The following IRS2 variants were observed in gnomAD, a reference collection of about 807,000 sequenced individuals.
The protein encoded by IRS2 is insulin receptor substrate 2.
IRS2 carries 28 observed loss-of-function variants against 70.9 expected under a neutral mutation model. The observed-to-expected ratio is 0.39, with a 90% CI of 0.29 to 0.54. The LOEUF is 0.54. IRS2 is among the 20% of genes least tolerant of loss of function. IRS2 has a pLI of 0.59. For synonymous variants in IRS2, 1,217 were observed against 981.9 expected, an observed-to-expected ratio of 1.24 and a Z score of -4.48; for missense variants, 2,081 against 2,024.1, an observed-to-expected ratio of 1.03 and a Z score of -0.54.
At chr13:109,759,316 C>G (rs1229124827) in intron 1 of IRS2, among the ~76,000 whole-genome samples, 1 of 152,186 alleles carries the variant, frequency 6.6e-6, no homozygotes, top group Non-Finnish European at 1.5e-5. Context: ...TAGACATCCC[C>G]CCACCCCAGG....
chr13:109,776,721 C>T (rs1877587393), intron 1 of IRS2, among the ~76,000 whole-genome samples: 1 of 152,182 alleles, frequency 6.6e-6, no homozygotes, highest in African/African-American at 2.4e-5. Flanking sequence ...AAATCAGTAG[C>T]AATCATCAAC....
At chr13:109,765,353 T>C (rs1276885328) in intron 1 of IRS2, among the ~76,000 whole-genome samples, 1 of 152,202 alleles carries the variant, frequency 6.6e-6, no homozygotes, top group African/African-American at 2.4e-5. Context: ...CACCAGTCCT[T>C]GCCCAAGGAT....
chr13:109,771,348 ATTAAAG>A (rs1351400791), intron 1 of IRS2, among the ~76,000 whole-genome samples: 5 of 152,290 alleles, frequency 3.3e-5, no homozygotes, highest in East Asian at 1.9e-4. Flanking sequence ...AGCCAGCTAA[ATTAAAG>A]TTAGTTTTCT....
intron 1 of IRS2, among the ~76,000 whole-genome samples, chr13:109,778,679 TATC>T (rs1301514758): frequency 3.9e-5 from 6 of 152,236 alleles, no homozygotes; most frequent in African/African-American, 1.4e-4. Flanking sequence ...ACATATCTCT[TATC>T]ATTCTTTCCC....
At position 109,764,281 on chromosome 13, in the gene IRS2, C is replaced by T. The variant is rs76869386; in HGVS notation, c.4013-7973G>A. On this transcript the variant is annotated intron_variant, in intron 1 of 1. Coordinates refer to ENST00000375856, the MANE Select transcript of IRS2 (RefSeq NM_003749.3). ...AGGATACAGGTGTGAAAGGCGCTGTCGCCACACCAGAGCCGGGTCCCCAGG... is the reference window on the plus strand; with the variant it reads ...AGGATACAGGTGTGAAAGGCGCTGTTGCCACACCAGAGCCGGGTCCCCAGG... 1.4e-4 allele frequency among the ~76,000 whole-genome samples: 22 copies of T among 152,250 alleles called. No individual in the cohort carries two copies. The East Asian group carries it at 2.1e-3, about 15-fold the overall frequency.
intron 1 of IRS2, among the ~76,000 whole-genome samples, chr13:109,764,677 T>G (rs1877297218): frequency 6.6e-6 from 1 of 152,120 alleles, no homozygotes; most frequent in Non-Finnish European, 1.5e-5. Flanking sequence ...CTCCCACCCT[T>G]ATGTTCTGGC....
chr13:109,769,175 C>A (rs139384861), intron 1 of IRS2, among the ~76,000 whole-genome samples: 5 of 152,076 alleles, frequency 3.3e-5, no homozygotes, highest in African/African-American at 1.2e-4. Context: ...GGAAGAAATT[C>A]GAGTTGACGT....
intron 1 of IRS2, among the ~76,000 whole-genome samples, chr13:109,777,310 CA>C (rs1254694383): frequency 6.6e-6 from 1 of 151,988 alleles, no homozygotes; most frequent in Non-Finnish European, 1.5e-5. Context: ...AATCTGATAC[CA>C]AAATTAGCTC....
chr13:109,781,151 G>A (rs1459944869), intron 1 of IRS2, among the ~76,000 whole-genome samples: 1 of 152,130 alleles, frequency 6.6e-6, no homozygotes, highest in Non-Finnish European at 1.5e-5. Context: ...ACTTCAACGG[G>A]TCTGGGGTGA....
At chr13:109,756,414 T>G in intron 1 of IRS2, 106 bp from the exon 2 acceptor site, 3 of 882,962 alleles carry the variant, frequency 3.4e-6, no homozygotes, top group Non-Finnish European at 5.8e-6. Context: ...CTGGGTCATT[T>G]TCATAAACTG....
chr13:109,783,432 G>A lies in IRS2; in HGVS notation c.2622C>T (p.Gly874=), dbSNP rs2138932628. ...GGCCCAAGAAGCCCTCCGGGCGGCC[G>A]CCGCTAGGCCGCACGGGCGAAGGCA... ...PVVPSPVRPS[G]GRPEGFLGQR... is the part of the protein sequence containing the mutation. Residue 874 remains glycine (G), a synonymous_variant, in exon 1 of 2, where the codon GGC becomes GGT. Transcript: ENST00000375856. The A allele has an allele frequency of 6.7e-7, 1 of 1,496,574 alleles. No homozygotes were observed. Among genetic ancestry groups the A allele is most frequent in the South Asian group, 1.3e-5 (1 of 78,568 alleles). 92.7% of individuals were successfully genotyped at this position (1,496,574 alleles called of 1,614,324 possible).
Position 109,785,578 on chromosome 13 carries a change from G to A in IRS2, c.476C>T (p.Pro159Leu), listed in dbSNP as rs1877895562. 3.1e-6 allele frequency: 4 copies of A among 1,310,110 alleles called. No individual in the cohort carries two copies. Among genetic ancestry groups the A allele is most frequent in the South Asian group, 2.2e-5 (1 of 44,846 alleles). 81.2% of individuals were successfully genotyped at this position (1,310,110 alleles called of 1,614,324 possible). Residue 159 changes from proline to leucine, a missense_variant, in exon 1 of 2, where the codon CCC (proline) becomes CTC (leucine). Around this residue, in one of 4 missense-constraint regions of IRS2, gnomAD observed 320 missense variants for 352.9 expected, o/e 0.91. Transcript: ENST00000375856. This position sits in a 1 kb window ranked among gnomAD's most constrained non-coding sequence, Gnocchi z 9.3. ...CAGGGAGGCGCTGCAGGACGCGGCGGGCGCGGCGGCGGGGGGCGCGTCTCC... is the reference window on the plus strand; with the variant it reads ...CAGGGAGGCGCTGCAGGACGCGGCGAGCGCGGCGGCGGGGGGCGCGTCTCC... ...AAGDAPPAAA[P>L]AASCSASLPG...
intron 1 of IRS2, among the ~76,000 whole-genome samples, chr13:109,781,253 T>A (rs1877689643): frequency 6.6e-6 from 1 of 152,130 alleles, no homozygotes; most frequent in Admixed American, 6.5e-5. Context: ...AGCATCGGCA[T>A]TATGCGGAGA....
At chr13:109,762,540 G>C (rs1362823903) in intron 1 of IRS2, among the ~76,000 whole-genome samples, 1 of 152,176 alleles carries the variant, frequency 6.6e-6, no homozygotes, top group African/African-American at 2.4e-5. Flanking sequence ...TGGGGCCCCA[G>C]AGTGTCAACT....
chr13:109,771,685 C>G (rs1450779046), intron 1 of IRS2, among the ~76,000 whole-genome samples: 1 of 152,162 alleles, frequency 6.6e-6, no homozygotes, highest in Non-Finnish European at 1.5e-5. Flanking sequence ...ACTATCATAC[C>G]AGAATAAAAC....
chr13:109,775,121 T>C (rs983843717), intron 1 of IRS2, among the ~76,000 whole-genome samples: 1 of 150,008 alleles, frequency 6.7e-6, no homozygotes, highest in Non-Finnish European at 1.5e-5. Flanking sequence ...TTTCTTTTTT[T>C]TTTTTTTTTT....
At chr13:109,771,933 A>G (rs1233733295) in intron 1 of IRS2, among the ~76,000 whole-genome samples, 2 of 152,226 alleles carry the variant, frequency 1.3e-5, no homozygotes, top group Admixed American at 1.3e-4. Flanking sequence ...TATTGCGTGG[A>G]GTTTCTAAAG....
Position 109,783,276 on chromosome 13 carries a change from C to A in IRS2, c.2778G>T (p.Glu926Asp), listed in dbSNP as rs2138932197. 1 of 1,466,770 alleles carries A rather than the reference C, an allele frequency of 6.8e-7. No homozygotes were observed. The highest frequency in any genetic ancestry group is 2.3e-5 in the Admixed American group (1 of 44,138). The allele number at this position is 1,466,770 out of a possible 1,614,324, so 90.9% of individuals were successfully genotyped here. A position where few individuals can be genotyped will look rare whatever the true frequency, so the allele number is the denominator to read the frequency against. ...CGGGCGGCGACAGGCGGGCCCCGGG[C>A]TCGCCAAAGTCGATGTTGATGTACT... ...PGEYINIDFG[E>D]PGARLSPPAP... The change falls in exon 1 of 2, where the codon GAG (glutamate) becomes GAT (aspartate). Residue 926 changes from glutamate to aspartate, a missense_variant. By Grantham distance (45) the Glu-to-Asp change is conservative. Transcript: ENST00000375856.
chr13:109,783,178 C>T lies in IRS2; in HGVS notation c.2876G>A (p.Gly959Asp), dbSNP rs1484185182. Residue 959 changes from glycine (G) to aspartate (D), a missense_variant, in exon 1 of 2, where the codon GGC becomes GAC. This residue lies in a region of IRS2 where 1,615 missense variants were observed against 1,459.5 expected (regional missense o/e 1.11). Transcript: ENST00000375856. Reference sequence around the variant, plus strand: ...GCTGCTGGTGCCCGGGGTGCCTGAGCCCAGCGACGAGGCCGGGCTGCTGGC... The same window carrying T: ...GCTGCTGGTGCCCGGGGTGCCTGAGTCCAGCGACGAGGCCGGGCTGCTGGC... The part of the protein sequence containing the change: ...LSASSPASSL[G>D]SGTPGTSSDS... 12 of 1,384,322 alleles carry T rather than the reference C, an allele frequency of 8.7e-6. No homozygotes were observed. Among genetic ancestry groups the T allele is most frequent in the African/African-American group, 1.5e-5 (1 of 65,478 alleles). 85.8% of individuals were successfully genotyped at this position (1,384,322 alleles called of 1,614,324 possible).
Sources: gnomAD v4.1 joint callset for allele counts (sites outside exome capture counted in the v4.1 genomes callset) on GRCh38, gnomAD v4.1.1 for gene constraint, gnomAD v4.1.1 regional missense constraint, Gnocchi (gnomAD v3.1) non-coding constraint, MANE v1.5 for transcripts, NCBI Gene and HGNC (gene_info 2026-07-23, HGNC 2026-07-21) for gene names.